Variants in ARHGAP39 observed in about 807,000 individuals in gnomAD.
ARHGAP39 encodes rho GTPase-activating protein 39.
Under a neutral mutation model 106.9 loss-of-function variants are expected in ARHGAP39, and 44 were observed. That is an observed-to-expected ratio of 0.41 (90% CI 0.32 to 0.53). ARHGAP39 has a LOEUF of 0.53. Ranked by LOEUF, ARHGAP39 falls within the 20% of genes least tolerant of loss-of-function variation. The probability of loss-of-function intolerance (pLI) is 0.21; values close to 1 mark genes in which losing one functional copy is unlikely to be tolerated. For missense variants in ARHGAP39, 1,496 were observed against 1,577.3 expected, an observed-to-expected ratio of 0.95 and a Z score of 0.87; for synonymous variants, 768 against 693.2, an observed-to-expected ratio of 1.11 and a Z score of -1.69.
At position 144,530,806 on chromosome 8, in the gene ARHGAP39, G is replaced by A; in HGVS notation, c.3046C>T (p.Gln1016Ter). 1 of 1,612,050 alleles carries A rather than the reference G, an allele frequency of 6.2e-7. No homozygotes were observed. The highest frequency in any genetic ancestry group is 8.5e-7 in the Non-Finnish European group (1 of 1,179,762). ...EPLIPHEFYEQCIAHYDSPEA... is the reference protein window; with the variant it reads ...EPLIPHEFYE ...GGGCTGTCGTAGTGCGCGATGCACT[G>A]CTCGTAGAACTCGTGCGGGATCAGG... The change falls in exon 11 of 12, where the codon CAG becomes TAG. Residue 1016 changes from glutamine (Q) to a stop codon, truncating the protein, a stop_gained. Coordinates refer to ENST00000377307, the MANE Select transcript of ARHGAP39 (RefSeq NM_025251.3). LOFTEE classifies it high-confidence loss of function.
chr8:144,566,326 G>A (rs182441749), intron 3 of ARHGAP39, among the ~76,000 whole-genome samples: 1 of 151,648 alleles, frequency 6.6e-6, no homozygotes, highest in Admixed American at 6.6e-5. Flanking sequence ...GTGCTTTGGG[G>A]GCCGAGGCAG....
At position 144,641,909 on chromosome 8, in the gene ARHGAP39, G is replaced by A. The variant is rs1301968592; in HGVS notation, c.-81-36214C>T. 6.6e-6 allele frequency among the ~76,000 whole-genome samples: 1 copy of A among 152,180 alleles called. No homozygotes were observed. The highest frequency in any genetic ancestry group is 1.5e-5 in the Non-Finnish European group (1 of 68,040). The stretch of plus-strand genomic sequence containing the variant: ...GCAGCCACCCACTACCTCATCCTTG[G>A]CCCCTCGGCATACCCACCTGCAAAT... On this transcript the variant is annotated intron_variant, in intron 1 of 11. Coordinates refer to ENST00000377307, the MANE Select transcript of ARHGAP39 (RefSeq NM_025251.3). The surrounding 1 kb of genome is among the most constrained non-coding windows in gnomAD (Gnocchi z 5.2).
At chr8:144,663,357 G>A (rs1485106450) in intron 1 of ARHGAP39, among the ~76,000 whole-genome samples, 1 of 152,156 alleles carries the variant, frequency 6.6e-6, no homozygotes, top group Non-Finnish European at 1.5e-5. Flanking sequence ...CTGGCAGACA[G>A]GAATGAGAGC....
upstream of ARHGAP39, among the ~76,000 whole-genome samples, chr8:144,689,351 G>C (rs1822697450): frequency 6.6e-6 from 1 of 151,746 alleles, no homozygotes; most frequent in African/African-American, 2.4e-5. Context: ...ACCTGCTGTG[G>C]CCAGTCTTCT....
At position 144,533,414 on chromosome 8, in the gene ARHGAP39, T is replaced by C. The variant is rs887685353; in HGVS notation, c.2689-89A>G. 4.6e-6 allele frequency: 6 copies of C among 1,318,000 alleles called. No homozygotes were observed. The African/African-American group carries it at 8.7e-5, about 19-fold the overall frequency. The allele number at this position is 1,318,000 out of a possible 1,614,324, so 81.6% of individuals were successfully genotyped here. Reference sequence around the variant, plus strand: ...GTTGTCTTCTTTCCCCGAACATAGGTGGGTGGCGCTCTTCAGAATTCCTGC... The same window carrying C: ...GTTGTCTTCTTTCCCCGAACATAGGCGGGTGGCGCTCTTCAGAATTCCTGC... On this transcript the variant is annotated intron_variant, in intron 8 of 11. Coordinates refer to ENST00000377307, the MANE Select transcript of ARHGAP39 (RefSeq NM_025251.3).
chr8:144,566,245 G>T (rs1196649989), intron 3 of ARHGAP39, among the ~76,000 whole-genome samples: 1 of 152,050 alleles, frequency 6.6e-6, no homozygotes, highest in Non-Finnish European at 1.5e-5. Flanking sequence ...TAATCAAATT[G>T]CTTAAAATGA....
intron 6 of ARHGAP39, among the ~76,000 whole-genome samples, chr8:144,541,716 A>G (rs1303579203): frequency 2.0e-5 from 3 of 152,100 alleles, no homozygotes; most frequent in African/African-American, 7.2e-5. Context: ...GCTGGAAATA[A>G]TTTTCCATTT....
At chr8:144,570,169 C>T (rs1477053682) in intron 3 of ARHGAP39, among the ~76,000 whole-genome samples, 2 of 152,136 alleles carry the variant, frequency 1.3e-5, no homozygotes, top group African/African-American at 2.4e-5. Context: ...TGCAGTGAGC[C>T]GAGATGGTGC....
rs540379656 is a variant in ARHGAP39 at position 144,607,168 on chromosome 8, C to T, written c.-81-1473G>A. On this transcript the variant is annotated intron_variant, in intron 1 of 11. Coordinates refer to ENST00000377307, the MANE Select transcript of ARHGAP39 (RefSeq NM_025251.3). ...GAGCGTGGCTATGGTCCCAGCTACA[C>T]GTGAGGAAGAGGAGGGAGGATCCCG... 2.8e-5 allele frequency among the ~76,000 whole-genome samples: 4 copies of T among 142,884 alleles called. No homozygotes were observed. The East Asian group carries it at 6.2e-4, about 22-fold the overall frequency. The allele number at this position is 142,884 out of a possible 152,430, so 93.7% of individuals were successfully genotyped here.
At chr8:144,659,037 C>T (rs1821762945) in intron 1 of ARHGAP39, among the ~76,000 whole-genome samples, 2 of 152,026 alleles carry the variant, frequency 1.3e-5, no homozygotes, top group African/African-American at 4.8e-5. Flanking sequence ...TGTAATAGCC[C>T]CATTGTCTTT....
chr8:144,581,005 G>A lies in ARHGAP39; in HGVS notation c.353C>T (p.Ala118Val). The A allele has an allele frequency of 6.3e-7, 1 of 1,592,158 alleles. No individual in the cohort carries two copies. Residue 118 changes from alanine (A) to valine (V), a missense_variant, in exon 3 of 12, where the codon GCC (alanine) becomes GTC (valine). By Grantham distance (64) the Ala-to-Val change is moderately conservative (BLOSUM62 0). Transcript: ENST00000377307. ...GCGCCCGGGGCTGCTCTCCGCCGAG[G>A]CGCGCGGGGACTCCGTGTTCTGCTT... Reference protein sequence around the residue: ...TLKQNTESPRASAESSPGRGS... With the variant: ...TLKQNTESPRVSAESSPGRGS...
At chr8:144,603,877 G>A (rs1820177910) in intron 2 of ARHGAP39, among the ~76,000 whole-genome samples, 1 of 151,896 alleles carries the variant, frequency 6.6e-6, no homozygotes. Context: ...GCACTTGCAG[G>A]AATGAGGACA....
intron 1 of ARHGAP39, among the ~76,000 whole-genome samples, chr8:144,658,026 CT>C (rs751330014): frequency 2.1e-4 from 32 of 152,146 alleles, no homozygotes; most frequent in Non-Finnish European, 4.1e-4. Flanking sequence ...TAACACTGCA[CT>C]GGATATTAAA....
chr8:144,549,935 C>T (rs1415584048), intron 4 of ARHGAP39, among the ~76,000 whole-genome samples: 1 of 152,172 alleles, frequency 6.6e-6, no homozygotes, highest in Non-Finnish European at 1.5e-5. Context: ...TTGTCTTAGT[C>T]CATTCAGGCT....
chr8:144,623,422 CCAAACA>C (rs1170809795), intron 1 of ARHGAP39, among the ~76,000 whole-genome samples: 3 of 152,168 alleles, frequency 2.0e-5, no homozygotes, highest in Non-Finnish European at 4.4e-5. Context: ...AAGATCTATA[CCAAACA>C]CATCTAAAGT....
At chr8:144,629,378 G>C (rs1043076296) in intron 1 of ARHGAP39, among the ~76,000 whole-genome samples, 1 of 152,130 alleles carries the variant, frequency 6.6e-6, no homozygotes, top group Non-Finnish European at 1.5e-5. Context: ...AGACCCGCAG[G>C]CTCCAGCGGG....
intron 2 of ARHGAP39, among the ~76,000 whole-genome samples, chr8:144,588,869 G>C (rs1819282450): frequency 6.6e-6 from 1 of 152,272 alleles, no homozygotes. Context: ...TCGTGGTGAA[G>C]ATCAGGCACG....
chr8:144,685,509 C>A (rs1245202196), intron 1 of ARHGAP39, among the ~76,000 whole-genome samples, 177 bp downstream of exon 1: 2 of 149,136 alleles, frequency 1.3e-5, no homozygotes, highest in Admixed American at 1.3e-4. Flanking sequence ...CGCCCCCTCC[C>A]TCCACGGCCC....
chr8:144,655,692 A>G (rs923628199), intron 1 of ARHGAP39, among the ~76,000 whole-genome samples: 3 of 152,290 alleles, frequency 2.0e-5, no homozygotes, highest in African/African-American at 7.2e-5. Flanking sequence ...GCTTCTCTTC[A>G]TCTTGCTCAC....
Sources: gnomAD v4.1 joint callset for allele counts (sites outside exome capture counted in the v4.1 genomes callset) on GRCh38, gnomAD v4.1.1 for gene constraint, Gnocchi (gnomAD v3.1) non-coding constraint, MANE v1.5 for transcripts, NCBI Gene and HGNC (gene_info 2026-07-23, HGNC 2026-07-21) for gene names.